Variants in EFCAB13 observed in about 807,000 individuals in gnomAD.
EFCAB13 encodes the protein EF-hand calcium binding domain 13.
EFCAB13 carries 91 observed loss-of-function variants against 110.2 expected under a neutral mutation model. The observed-to-expected ratio is 0.83, with a 90% confidence interval of 0.70 to 0.98. EFCAB13 has a LOEUF of 0.98. Ranked by LOEUF, EFCAB13 falls within the 50% of genes least tolerant of loss-of-function variation. The probability of loss-of-function intolerance (pLI) is 0.00; values close to 1 mark genes in which losing one functional copy is unlikely to be tolerated. For synonymous variants in EFCAB13, 323 were observed against 369.9 expected, an observed-to-expected ratio of 0.87 and a Z score of 1.45; for missense variants, 968 against 1,119.4, an observed-to-expected ratio of 0.86 and a Z score of 1.93.
At chr17:47,325,536 T>A (rs1354763304) in intron 2 of EFCAB13, among the ~76,000 whole-genome samples, 1 of 152,142 alleles carries the variant, frequency 6.6e-6, no homozygotes, top group East Asian at 1.9e-4. Flanking sequence ...GATATGCCAC[T>A]TTCACTTAGC....
intron 23 of EFCAB13, among the ~76,000 whole-genome samples, chr17:47,423,709 A>C (rs1263799275): frequency 6.6e-6 from 1 of 150,832 alleles, no homozygotes; most frequent in Non-Finnish European, 1.5e-5. Flanking sequence ...GGGCGCCGGG[A>C]CCCGCGGGCG....
intron 24 of EFCAB13, 166 bp downstream of exon 24, chr17:47,430,127 T>C: frequency 1.6e-6 from 2 of 1,274,200 alleles, no homozygotes; most frequent in Non-Finnish European, 9.9e-7. Context: ...CTGAGCTTCA[T>C]GGGGCCAAAC....
chr17:47,420,990 AG>A (rs1311828021), intron 23 of EFCAB13, among the ~76,000 whole-genome samples: 1 of 137,736 alleles, frequency 7.3e-6, no homozygotes, highest in African/African-American at 2.8e-5. Context: ...GAGGGAGGTG[AG>A]GGGGTCAGCC....
intron 15 of EFCAB13, 85 bp from the exon 16 acceptor site, chr17:47,393,940 A>AAT: frequency 3.0e-6 from 2 of 660,168 alleles, no homozygotes; most frequent in Non-Finnish European, 2.4e-6. Context: ...TATATTTCTG[A>AAT]ATATATAACG....
chr17:47,371,059 G>GTTTTTTTTTTTTTTTTTTTTTTTTTTT (rs1187612737), intron 11 of EFCAB13, among the ~76,000 whole-genome samples: 2 of 121,830 alleles, frequency 1.6e-5, no homozygotes, highest in Non-Finnish European at 1.8e-5. Flanking sequence ...GTTTTTAATG[G>GTTTTTTTTTTTTTTTTTTTTTTTTTTT]TTGTTTTTTT....
intron 5 of EFCAB13, among the ~76,000 whole-genome samples, chr17:47,341,017 C>A (rs1161806758): frequency 6.6e-6 from 1 of 151,874 alleles, no homozygotes; most frequent in Non-Finnish European, 1.5e-5. Flanking sequence ...ACGTCACCAC[C>A]TAGAGAGTGG....
chr17:47,363,810 G>A (rs1254305542), intron 10 of EFCAB13, among the ~76,000 whole-genome samples: 1 of 152,146 alleles, frequency 6.6e-6, no homozygotes, highest in Non-Finnish European at 1.5e-5. Context: ...GTGGGCTTTT[G>A]GTTGCTGATA....
intron 2 of EFCAB13, among the ~76,000 whole-genome samples, 182 bp downstream of exon 2, chr17:47,324,705 AG>A (rs1281288828): frequency 1.3e-5 from 2 of 151,982 alleles, no homozygotes; most frequent in Non-Finnish European, 2.9e-5. Context: ...GTGGCATGAG[AG>A]GAAAGAGGAA....
chr17:47,342,609 TC>T (rs1354916003), intron 6 of EFCAB13, among the ~76,000 whole-genome samples: 1 of 152,212 alleles, frequency 6.6e-6, no homozygotes, highest in Non-Finnish European at 1.5e-5. Context: ...TATCCTTTTT[TC>T]CCCTCTGTCT....
intron 5 of EFCAB13, 91 bp downstream of exon 5, chr17:47,335,447 A>G (rs2065343968): frequency 3.8e-6 from 4 of 1,064,246 alleles, no homozygotes; most frequent in South Asian, 1.6e-5. Context: ...CGTTCTCATA[A>G]TGTACCATGT....
intron 12 of EFCAB13, among the ~76,000 whole-genome samples, chr17:47,375,474 T>C (rs1359915084): frequency 6.7e-6 from 1 of 149,230 alleles, no homozygotes; most frequent in Non-Finnish European, 1.5e-5. Flanking sequence ...TTTTTTTTTT[T>C]CATAGAGACG....
intron 21 of EFCAB13, among the ~76,000 whole-genome samples, chr17:47,412,299 C>T (rs2065840323): frequency 6.6e-6 from 1 of 152,222 alleles, no homozygotes; most frequent in Non-Finnish European, 1.5e-5. Context: ...TGCTGGATTG[C>T]AGTTGCCTAG....
At chr17:47,409,768 T>C in intron 21 of EFCAB13, 77 bp downstream of exon 21, 1 of 1,157,312 alleles carries the variant, frequency 8.6e-7, no homozygotes, top group Non-Finnish European at 1.3e-6. Flanking sequence ...AGTACCAATG[T>C]ATTTCTCATT....
chr17:47,379,718 T>C (rs570470034), intron 14 of EFCAB13, among the ~76,000 whole-genome samples: 1 of 152,298 alleles, frequency 6.6e-6, no homozygotes, highest in Non-Finnish European at 1.5e-5. Flanking sequence ...TGTAGAACTA[T>C]TACCACAATA....
intron 2 of EFCAB13, 51 bp from the exon 3 acceptor site, chr17:47,326,175 A>G (rs958775416): frequency 6.6e-5 from 10 of 151,958 alleles, no homozygotes; most frequent in African/African-American, 2.4e-4. Flanking sequence ...GAAAAATTAT[A>G]TTGTCAGAGT....
chr17:47,324,611 T>G (rs1193509497), intron 2 of EFCAB13, 88 bp downstream of exon 2: 2 of 151,736 alleles, frequency 1.3e-5, no homozygotes, highest in Non-Finnish European at 2.9e-5. Flanking sequence ...TGCAATGGAG[T>G]TGTGTATGCA....
rs762552615 is a variant in EFCAB13, at chr17:47,404,541, ATCTC to A, written c.2162-15_2162-12del. The stretch of plus-strand genomic sequence containing the variant: ...CTTTGTCTAGGGGTTCTTGTTTGTC[ATCTC>A]TCTCTTTTCCTTGCAGAAGATAACA... On this transcript the variant is annotated splice_polypyrimidine_tract_variant and intron_variant, in intron 19 of 24. Transcript: ENST00000331493. 2 of 1,602,526 alleles carry A rather than the reference ATCTC, an allele frequency of 1.2e-6. No individual in the cohort carries two copies. Among genetic ancestry groups the A allele is most frequent in the Non-Finnish European group, 1.7e-6 (2 of 1,172,322 alleles).
chr17:47,387,261 C>T (rs1442737206), intron 14 of EFCAB13, among the ~76,000 whole-genome samples: 1 of 152,146 alleles, frequency 6.6e-6, no homozygotes, highest in Non-Finnish European at 1.5e-5. Context: ...GTTCGATGTG[C>T]TGATGAGAAT....
intron 10 of EFCAB13, among the ~76,000 whole-genome samples, chr17:47,368,969 A>T (rs1173160891): frequency 6.6e-6 from 1 of 152,218 alleles, no homozygotes; most frequent in Non-Finnish European, 1.5e-5. Flanking sequence ...GATGCCAATG[A>T]TGTACCAATC....
Sources: gnomAD v4.1 joint callset for allele counts (sites outside exome capture counted in the v4.1 genomes callset) on GRCh38, gnomAD v4.1.1 for gene constraint, MANE v1.5 for transcripts, NCBI Gene and HGNC (gene_info 2026-07-23, HGNC 2026-07-21) for gene names.